CCDC171: variants seen among roughly 807,000 people sequenced by gnomAD.
CCDC171 encodes the protein coiled-coil domain-containing protein 171.
CCDC171 carries 177 observed loss-of-function variants against 168.2 expected under a neutral mutation model. The observed-to-expected ratio is 1.05, with a 90% CI of 0.93 to 1.19. The LOEUF is 1.19. Among genes scored for constraint, CCDC171 ranks in the 50% most tolerant of loss-of-function variants. The probability of loss-of-function intolerance (pLI) is 0.00; values close to 1 mark genes in which losing one functional copy is unlikely to be tolerated. For missense variants in CCDC171, 1,991 were observed against 1,539.0 expected (o/e 1.29, Z -4.91); for synonymous variants, 687 against 540.8 (o/e 1.27, Z -3.75).
intron 10 of CCDC171, among the ~76,000 whole-genome samples, chr9:15,688,007 T>A (rs1212476614): frequency 6.6e-6 from 1 of 151,230 alleles, no homozygotes; most frequent in Non-Finnish European, 1.5e-5. Context: ...TAGTCCCAGC[T>A]ACTTGGGAGG....
chr9:15,629,047 A>G (rs566402349), intron 7 of CCDC171, among the ~76,000 whole-genome samples: 2 of 152,294 alleles, frequency 1.3e-5, no homozygotes, highest in African/African-American at 4.8e-5. Flanking sequence ...CCATCATCAA[A>G]GACCAAAAGT....
chr9:15,643,766 T>A (rs575719117), intron 7 of CCDC171, among the ~76,000 whole-genome samples: 54 of 152,348 alleles, frequency 3.5e-4, no homozygotes, highest in African/African-American at 1.2e-3. Flanking sequence ...CCACTTAATA[T>A]ACTTTTTGTC....
chr9:15,955,198 G>C (rs773864971), intron 25 of CCDC171, among the ~76,000 whole-genome samples: 20 of 152,074 alleles, frequency 1.3e-4, no homozygotes, highest in Admixed American at 3.3e-4. Flanking sequence ...CTTTCCCTGG[G>C]CTTGTGTGGT....
chr9:16,102,847 A>C, the CCDC171 span, among the ~76,000 whole-genome samples: 3 of 152,168 alleles, frequency 2.0e-5, no homozygotes. Context: ...ATGTGAGTTT[A>C]ATGAGAGGCA....
At position 15,917,293 on chromosome 9, in the gene CCDC171, A is replaced by G. The variant is rs148393208; in HGVS notation, c.3601-2977A>G. On this transcript the variant is annotated intron_variant, in intron 24 of 25. Transcript: ENST00000380701. ...GAAGGAGACTTTTGTTTAGAAGAGCATAGTATATTTTATACATATTAGTAA... is the reference window on the plus strand; with the variant it reads ...GAAGGAGACTTTTGTTTAGAAGAGCGTAGTATATTTTATACATATTAGTAA... Among the ~76,000 whole-genome samples, 124 of 151,994 alleles carry G rather than the reference A, an allele frequency of 8.2e-4. 1 individual carries two copies. Among genetic ancestry groups the G allele is most frequent in the African/African-American group, 2.8e-3 (116 of 41,546 alleles).
chr9:15,808,776 C>A lies in CCDC171; in HGVS notation c.3267+24082C>A, dbSNP rs182135231. ...GCTGTCTGTGTTGTCTTTCAAGTCA[C>A]CCAGAATGATAGGATGTTGCCTTAG... On this transcript the variant is annotated intron_variant, in intron 21 of 25. Transcript: ENST00000380701. 3.3e-5 allele frequency among the ~76,000 whole-genome samples: 5 copies of A among 152,180 alleles called. No individual in the cohort carries two copies. In the East Asian group the frequency reaches 9.7e-4, roughly 29 times the overall value.
At chr9:15,835,433 T>G (rs1007813463) in intron 21 of CCDC171, among the ~76,000 whole-genome samples, 8 of 152,310 alleles carry the variant, frequency 5.3e-5, no homozygotes, top group Middle Eastern at 6.8e-3. Flanking sequence ...ATCAATTACA[T>G]TTTTCTCTTT....
intron 21 of CCDC171, among the ~76,000 whole-genome samples, chr9:15,829,130 T>G (rs1237929635): frequency 1.3e-5 from 2 of 152,216 alleles, no homozygotes; most frequent in Admixed American, 1.3e-4. Flanking sequence ...ACACCCAAAT[T>G]TCCTTTTACA....
intron 10 of CCDC171, among the ~76,000 whole-genome samples, chr9:15,694,754 C>A (rs2051082881): frequency 6.6e-6 from 1 of 152,216 alleles, no homozygotes; most frequent in Admixed American, 6.5e-5. Context: ...ATTCCCTACC[C>A]CTTCTTCCCC....
intron 16 of CCDC171, among the ~76,000 whole-genome samples, chr9:15,738,661 C>T (rs1391219964): frequency 6.6e-6 from 1 of 151,906 alleles, no homozygotes; most frequent in Non-Finnish European, 1.5e-5. Flanking sequence ...GCTGTTTCCA[C>T]CCTTACAATC....
chr9:16,028,033 G>A (rs1833306246), intron 6 of CCDC171, among the ~76,000 whole-genome samples: 4 of 152,118 alleles, frequency 2.6e-5, no homozygotes, highest in Admixed American at 2.6e-4. Context: ...GGCAGCATTT[G>A]AACTAGCCTT....
chr9:15,997,729 C>T (rs1270913080), intron 3 of CCDC171, among the ~76,000 whole-genome samples: 1 of 152,168 alleles, frequency 6.6e-6, no homozygotes, highest in East Asian at 1.9e-4. Flanking sequence ...TGGCAGTACC[C>T]CAATCCTCAT....
chr9:15,569,859 TC>T (rs1226044549), intron 2 of CCDC171, among the ~76,000 whole-genome samples: 1 of 140,250 alleles, frequency 7.1e-6, no homozygotes, highest in Non-Finnish European at 1.6e-5. Flanking sequence ...AAAAAAAATT[TC>T]TATTTTTCAT....
At chr9:15,608,944 C>CA (rs71491669) in intron 6 of CCDC171, among the ~76,000 whole-genome samples, 396 of 13,698 alleles carry the variant, frequency 0.029, 109 homozygotes, top group Non-Finnish European at 0.036. Context: ...GACCCTGTCT[C>CA]AAAAAAAAAA....
intron 21 of CCDC171, among the ~76,000 whole-genome samples, chr9:15,843,199 A>G (rs1248160525): frequency 6.6e-6 from 1 of 152,084 alleles, no homozygotes; most frequent in Non-Finnish European, 1.5e-5. Flanking sequence ...AAGAAATGCA[A>G]TAAAGATATT....
intron 24 of CCDC171, among the ~76,000 whole-genome samples, chr9:15,908,687 A>T (rs528533839): frequency 6.6e-6 from 1 of 152,352 alleles, no homozygotes; most frequent in South Asian, 2.1e-4. Context: ...TGGATAATTT[A>T]TAAAGAAAAG....
chr9:16,036,830 T>C (rs1409089041), intron 8 of CCDC171, among the ~76,000 whole-genome samples: 2 of 132,012 alleles, frequency 1.5e-5, no homozygotes, highest in African/African-American at 5.0e-5. Flanking sequence ...TGTGATTCTA[T>C]ACTATTCAGC....
intron 20 of CCDC171, among the ~76,000 whole-genome samples, chr9:15,784,108 C>T (rs7865705): frequency 0.029 from 4,477 of 152,104 alleles, 229 homozygotes; most frequent in African/African-American, 0.1. Context: ...GATATTTGAC[C>T]GGGAGACCTG....
intron 10 of CCDC171, among the ~76,000 whole-genome samples, chr9:15,687,858 G>T (rs950646380): frequency 6.6e-6 from 1 of 152,016 alleles, no homozygotes; most frequent in Non-Finnish European, 1.5e-5. Flanking sequence ...GCAGTGGCTC[G>T]TGCCTGTAAT....
Sources: gnomAD v4.1 joint callset for allele counts (sites outside exome capture counted in the v4.1 genomes callset) on GRCh38, gnomAD v4.1.1 for gene constraint, MANE v1.5 for transcripts, NCBI Gene and HGNC (gene_info 2026-07-23, HGNC 2026-07-21) for gene names.